Variants in TMEM135 observed in about 807,000 individuals in gnomAD.
The protein encoded by TMEM135 is transmembrane protein 135.
A neutral mutation model predicts 60.3 loss-of-function variants in TMEM135; 30 were observed. The observed-to-expected ratio is 0.50, with a 90% CI of 0.37 to 0.68. TMEM135 has a LOEUF of 0.68. Ranked by LOEUF, TMEM135 falls within the 30% of genes least tolerant of loss-of-function variation. The pLI, the probability that TMEM135 is intolerant of heterozygous loss-of-function variation, is 0.00. For missense variants in TMEM135, 468 were observed against 548.8 expected, an observed-to-expected ratio of 0.85 and a Z score of 1.47; for synonymous variants, 190 against 186.7, an observed-to-expected ratio of 1.02 and a Z score of -0.14.
chr11:87,196,674 A>G (rs1939964713), intron 5 of TMEM135, among the ~76,000 whole-genome samples: 1 of 152,156 alleles, frequency 6.6e-6, no homozygotes, highest in Non-Finnish European at 1.5e-5. Context: ...GTAGACTTCA[A>G]ATATACTTAT....
chr11:87,294,214 T>G (rs1942312496), intron 6 of TMEM135, among the ~76,000 whole-genome samples: 2 of 152,190 alleles, frequency 1.3e-5, no homozygotes, highest in Admixed American at 1.3e-4. Context: ...GGGGTTGTTT[T>G]AAAACATCTC....
intron 1 of TMEM135, among the ~76,000 whole-genome samples, chr11:87,056,956 G>C (rs1384072959): frequency 1.3e-5 from 2 of 152,164 alleles, no homozygotes; most frequent in African/African-American, 4.8e-5. Context: ...TTGTACTTAA[G>C]TATGCAGAAG....
chr11:87,224,034 G>T (rs778337326), intron 5 of TMEM135, among the ~76,000 whole-genome samples: 2 of 152,162 alleles, frequency 1.3e-5, no homozygotes, highest in Non-Finnish European at 2.9e-5. Context: ...ATGAATTTTG[G>T]AATGACCATA....
intron 1 of TMEM135, among the ~76,000 whole-genome samples, chr11:87,063,638 G>A (rs1256988420): frequency 6.6e-6 from 1 of 152,168 alleles, no homozygotes; most frequent in Non-Finnish European, 1.5e-5. Flanking sequence ...TGGTCACCCT[G>A]CCCTGTTACC....
intron 4 of TMEM135, among the ~76,000 whole-genome samples, chr11:87,153,903 G>T (rs968997543): frequency 6.6e-6 from 1 of 152,104 alleles, no homozygotes; most frequent in African/African-American, 2.4e-5. Flanking sequence ...TGTTTTATTA[G>T]GGTCTAAATC....
At chr11:87,080,211 A>G (rs75732378) in intron 3 of TMEM135, among the ~76,000 whole-genome samples, 2 of 140,492 alleles carry the variant, frequency 1.4e-5, no homozygotes, top group East Asian at 4.2e-4. Flanking sequence ...AAGATCATTG[A>G]CAGTGATGTT....
At chr11:87,300,231 C>T (rs760250148) in intron 7 of TMEM135, among the ~76,000 whole-genome samples, 9 of 152,110 alleles carry the variant, frequency 5.9e-5, no homozygotes, top group Non-Finnish European at 1.2e-4. Context: ...AGTTCAGATA[C>T]GCACTTTGGG....
intron 5 of TMEM135, among the ~76,000 whole-genome samples, chr11:87,166,747 C>T (rs1231132094): frequency 7.8e-6 from 1 of 128,404 alleles, no homozygotes; most frequent in East Asian, 3.4e-4. Flanking sequence ...GTGATGCCTC[C>T]AGTTTTGTTC....
chr11:87,318,869 T>C (rs533985988), intron 13 of TMEM135, among the ~76,000 whole-genome samples: 1 of 149,094 alleles, frequency 6.7e-6, no homozygotes, highest in Non-Finnish European at 1.5e-5. Context: ...GTGACTTTTT[T>C]TTTTCTTTTT....
intron 5 of TMEM135, among the ~76,000 whole-genome samples, chr11:87,158,746 G>C (rs189739982): frequency 9.9e-4 from 150 of 152,248 alleles, no homozygotes; most frequent in Admixed American, 2.7e-3. Flanking sequence ...TTACAGGCGT[G>C]AGCCACCGCG....
chr11:87,068,432 G>C (rs1414526951), intron 2 of TMEM135, among the ~76,000 whole-genome samples: 3 of 151,946 alleles, frequency 2.0e-5, no homozygotes, highest in Non-Finnish European at 4.4e-5. Flanking sequence ...TCAAACTTAC[G>C]TTTATTTATT....
intron 6 of TMEM135, among the ~76,000 whole-genome samples, chr11:87,237,632 G>T (rs1941029612): frequency 6.6e-6 from 1 of 151,788 alleles, no homozygotes; most frequent in South Asian, 2.1e-4. Flanking sequence ...TTGATACAGG[G>T]ATATGATGAA....
At chr11:87,141,485 T>C (rs1476186181) in intron 4 of TMEM135, among the ~76,000 whole-genome samples, 1 of 152,198 alleles carries the variant, frequency 6.6e-6, no homozygotes, top group Non-Finnish European at 1.5e-5. Context: ...ATACATTTCT[T>C]AGGATTTTTC....
Position 87,157,423 on chromosome 11 carries a change from G to T in TMEM135, c.462+17G>T. ...AATGGAGAAGTAAGATGAGAATTTT[G>T]ATATAGTTATTAGTTGTTAATTTAT... is the stretch of plus-strand genomic sequence containing the variant. On this transcript the variant is annotated intron_variant, in intron 5 of 14. Coordinates refer to ENST00000305494, the MANE Select transcript of TMEM135 (RefSeq NM_022918.4). The T allele has an allele frequency of 1.2e-6, 2 of 1,601,858 alleles. No homozygotes were observed. Among genetic ancestry groups the T allele is most frequent in the South Asian group, 2.2e-5 (2 of 90,630 alleles).
chr11:87,215,804 C>G (rs1321487046), intron 5 of TMEM135, among the ~76,000 whole-genome samples: 1 of 152,164 alleles, frequency 6.6e-6, no homozygotes, highest in Non-Finnish European at 1.5e-5. Flanking sequence ...TGATGCTTTA[C>G]TTTTCCTTTG....
At chr11:87,156,592 C>CTAG (rs1938702589) in intron 4 of TMEM135, among the ~76,000 whole-genome samples, 1 of 151,872 alleles carries the variant, frequency 6.6e-6, no homozygotes, top group Non-Finnish European at 1.5e-5. Context: ...TTATTTTTCC[C>CTAG]TAGGAGTTTT....
At chr11:87,057,902 C>T (rs1949908948) in intron 1 of TMEM135, among the ~76,000 whole-genome samples, 1 of 151,512 alleles carries the variant, frequency 6.6e-6, no homozygotes, top group African/African-American at 2.4e-5. Context: ...TGCTGGAGAC[C>T]CAGAGAGCCA....
chr11:87,101,370 T>C (rs1857453076), intron 4 of TMEM135, among the ~76,000 whole-genome samples: 1 of 152,246 alleles, frequency 6.6e-6, no homozygotes, highest in South Asian at 2.1e-4. Context: ...AACTAAGTTT[T>C]CCAATCTTTC....
intron 1 of TMEM135, among the ~76,000 whole-genome samples, chr11:87,059,073 G>A (rs964169004): frequency 6.6e-6 from 1 of 151,926 alleles, no homozygotes; most frequent in Non-Finnish European, 1.5e-5. Flanking sequence ...AAGTAGCTGG[G>A]ATTACAGGCA....
Sources: allele counts gnomAD v4.1 joint callset (sites outside exome capture counted in the v4.1 genomes callset), GRCh38; gene constraint gnomAD v4.1.1; transcripts MANE v1.5; gene names NCBI Gene and HGNC (gene_info 2026-07-23, HGNC 2026-07-21).